The following DNHD1 variants were observed in gnomAD, a reference collection of about 807,000 sequenced individuals.
DNHD1 encodes the protein dynein heavy chain domain 1.
Under a neutral mutation model 458.1 loss-of-function variants are expected in DNHD1, and 383 were observed. That is an observed-to-expected ratio of 0.84 (90% confidence interval 0.77 to 0.91). The LOEUF is 0.91. Among genes scored for constraint, DNHD1 ranks in the 40% least tolerant of loss-of-function variants. The pLI is 0.00. For missense variants in DNHD1, 5,336 were observed against 5,866.1 expected (o/e 0.91, Z 2.95); for synonymous variants, 2,203 against 2,376.9 (o/e 0.93, Z 2.13).
Position 6,558,633 on chromosome 11 carries a change from G to T in DNHD1, c.9151G>T (p.Ala3051Ser), listed in dbSNP as rs1429013811. 1.9e-6 allele frequency: 3 copies of T among 1,551,616 alleles called. No individual in the cohort carries two copies. The highest frequency in any genetic ancestry group is 1.7e-4 in the Middle Eastern group (1 of 5,992). The part of the protein sequence containing the change: ...IDRYEPWDQA[A>S]LAKVAQHHLE... ...CCGCTATGAACCCTGGGACCAAGCT[G>T]CCCTGGCCAAGGTGGCCCAGCATCA... The change falls in exon 26 of 43, where the codon GCC becomes TCC. Residue 3051 changes from alanine (A) to serine (S), a missense_variant. Coordinates refer to ENST00000254579, the MANE Select transcript of DNHD1 (RefSeq NM_144666.3).
chr11:6,541,181 G>A (rs1234065215), intron 18 of DNHD1, among the ~76,000 whole-genome samples: 1 of 152,164 alleles, frequency 6.6e-6, no homozygotes, highest in African/African-American at 2.4e-5. Context: ...CTGTCTCTAT[G>A]TGACTTTTCC....
At chr11:6,532,924 G>A (rs1016744748) in intron 12 of DNHD1, 103 bp from the exon 13 acceptor site, 29 of 1,084,004 alleles carry the variant, frequency 2.7e-5, no homozygotes, top group Non-Finnish European at 3.4e-5. Flanking sequence ...ATAATTCATG[G>A]TCTGACCTGC....
At chr11:6,559,946 T>C (rs114992352) in intron 28 of DNHD1, among the ~76,000 whole-genome samples, 46 of 152,278 alleles carry the variant, frequency 3.0e-4, no homozygotes, top group African/African-American at 9.4e-4. Context: ...CCCTTCTAGT[T>C]GAAACCTCAA....
In DNHD1 at chr11:6,567,398, C is replaced by A; in HGVS notation, c.11889C>A (p.Ala3963=). 6.2e-7 allele frequency: 1 copy of A among 1,613,810 alleles called. No individual in the cohort carries two copies. Among genetic ancestry groups the A allele is most frequent in the Non-Finnish European group, 8.5e-7 (1 of 1,179,798 alleles). Reference sequence around the variant, plus strand: ...TGGCACTCTGGCCTGGACTAGCAGCCTCTCCCAGCACAGTCCACAGCAAGC... The same window carrying A: ...TGGCACTCTGGCCTGGACTAGCAGCATCTCCCAGCACAGTCCACAGCAAGC... ...ERLALWPGLA[A]SPSTVHSKPV... The change falls in exon 36 of 43, where the codon GCC becomes GCA. Residue 3963 remains alanine (A), a synonymous_variant. Transcript: ENST00000254579.
chr11:6,531,172 C>G (rs1331641927), intron 12 of DNHD1, among the ~76,000 whole-genome samples: 1 of 152,126 alleles, frequency 6.6e-6, no homozygotes. Context: ...TCTTGCTGAT[C>G]TAATTTTATC....
In DNHD1 at chr11:6,534,474, G is replaced by A. The variant is rs186127386; in HGVS notation, c.2998+301G>A. 6.0e-3 allele frequency among the ~76,000 whole-genome samples: 908 copies of A among 152,268 alleles called. 6 individuals are homozygous for A. The highest frequency in any genetic ancestry group is 6.2e-3 in the Non-Finnish European group (424 of 68,022). On this transcript the variant is annotated intron_variant, in intron 14 of 42. Transcript: ENST00000254579. The stretch of plus-strand genomic sequence containing the variant: ...GGCTAAAAGCATGTGTGGGAGAAAT[G>A]TAAGTTCTCCTTATAGAACGTAGCC...
intron 12 of DNHD1, among the ~76,000 whole-genome samples, chr11:6,530,655 G>A (rs552469367): frequency 3.0e-4 from 45 of 152,264 alleles, no homozygotes; most frequent in Admixed American, 2.7e-3. Flanking sequence ...TGCCCTGCTT[G>A]CTTCGCCTTC....
Position 6,546,983 on chromosome 11 carries a change from T to C in DNHD1, c.6044T>C (p.Met2015Thr), listed in dbSNP as rs58186801. The C allele has an allele frequency of 0.21, 321,308 of 1,550,736 alleles. 35,285 individuals carry two copies. The highest frequency in any genetic ancestry group is 0.26 in the Admixed American group (13,142 of 50,938). ...AAGATCCAGAATCGGCTGGCAGCCA[T>C]GGAGGACACCTCAACCCAAGGCTGC... ...LFKIQNRLAA[M>T]EDTSTQGCQP... The change falls in exon 21 of 43, where the codon ATG (methionine) becomes ACG (threonine). Residue 2015 changes from methionine to threonine, a missense_variant. Physicochemically the swap from Met to Thr is moderately conservative, Grantham distance 81 (BLOSUM62 -1). Coordinates refer to ENST00000254579, the MANE Select transcript of DNHD1 (RefSeq NM_144666.3).
intron 12 of DNHD1, among the ~76,000 whole-genome samples, chr11:6,530,861 C>G (rs1203504774): frequency 6.6e-6 from 1 of 152,148 alleles, no homozygotes; most frequent in East Asian, 1.9e-4. Context: ...TATTGTTGTT[C>G]TAGTTTGTTA....
chr11:6,504,321 G>A (rs975362940), intron 4 of DNHD1: 1 of 152,216 alleles, frequency 6.6e-6, no homozygotes, highest in Non-Finnish European at 1.5e-5. Flanking sequence ...CCTTCTATTA[G>A]GTTTGATTAA....
In DNHD1 at chr11:6,547,638, C is replaced by T. The variant is rs1321415136; in HGVS notation, c.6699C>T (p.Arg2233=). The change falls in exon 21 of 43, where the codon CGC becomes CGT. Residue 2233 remains arginine (R), a synonymous_variant. Transcript: ENST00000254579. ...ATAGTCTGCTTGACCTCCACCTTCG[C>T]CTAAAGGAGGAGAAGGCCCCTGGCC... is the stretch of plus-strand genomic sequence containing the variant. The part of the protein sequence containing the change: ...ILHSLLDLHL[R]LKEEKAPGPE... The T allele has an allele frequency of 3.9e-6, 6 of 1,530,194 alleles. No homozygotes were observed. Among genetic ancestry groups the T allele is most frequent in the South Asian group, 1.2e-5 (1 of 81,780 alleles). The allele number at this position is 1,530,194 out of a possible 1,614,324, so 94.8% of individuals were successfully genotyped here. A position where few individuals can be genotyped will look rare whatever the true frequency, so the allele number is the denominator to read the frequency against.
intron 24 of DNHD1, among the ~76,000 whole-genome samples, chr11:6,553,585 C>A (rs930837186): frequency 1.3e-5 from 2 of 152,020 alleles, no homozygotes; most frequent in Non-Finnish European, 2.9e-5. Context: ...TACATAGAGA[C>A]CCCAAAGGAA....
rs992254576 is a variant in DNHD1 at position 6,528,439 on chromosome 11, A to G, written c.1838-83A>G. On this transcript the variant is annotated intron_variant, in intron 10 of 42. Transcript: ENST00000254579. ...TGTGTGTGTGTGTGTGTGTGTGTAC[A>G]CACACTGAGGGCAAGGAGAAAGGAA... is the stretch of plus-strand genomic sequence containing the variant. 3.5e-5 allele frequency: 44 copies of G among 1,244,442 alleles called. No individual in the cohort carries two copies. In the African/African-American group the frequency reaches 7.3e-4, roughly 21 times the overall value. The allele number at this position is 1,244,442 out of a possible 1,614,324, so 77.1% of individuals were successfully genotyped here. A position where few individuals can be genotyped will look rare whatever the true frequency, so the allele number is the denominator to read the frequency against.
Position 6,519,844 on chromosome 11 carries a change from A to G in DNHD1, c.1637A>G (p.Asn546Ser). 1.2e-6 allele frequency: 2 copies of G among 1,612,626 alleles called. No homozygotes were observed. The highest frequency in any genetic ancestry group is 8.5e-7 in the Non-Finnish European group (1 of 1,180,022). Reference protein sequence around the residue: ...LEEQITSFVANILQAPRQKPF... With the variant: ...LEEQITSFVASILQAPRQKPF... The stretch of plus-strand genomic sequence containing the variant: ...GAGCAGATAACCTCTTTTGTGGCCA[A>G]CATCCTTCAAGTGAGGTGGTGGGTG... The change falls in exon 8 of 43, where the codon AAC becomes AGC. Residue 546 changes from asparagine to serine, a missense_variant. Physicochemically the swap from Asn to Ser is conservative, Grantham distance 46. Coordinates refer to ENST00000254579, the MANE Select transcript of DNHD1 (RefSeq NM_144666.3).
chr11:6,530,019 C>A (rs1431185641), intron 12 of DNHD1, among the ~76,000 whole-genome samples: 1 of 152,190 alleles, frequency 6.6e-6, no homozygotes, highest in Non-Finnish European at 1.5e-5. Context: ...CACTGGCTAT[C>A]AATTCTCTGC....
Position 6,528,921 on chromosome 11 carries a change from G to A in DNHD1, c.2147G>A (p.Trp716Ter). Residue 716 changes from tryptophan (W) to a stop codon, truncating the protein, a stop_gained, in exon 12 of 43, where the codon TGG becomes TAG. Transcript: ENST00000254579. LOFTEE classifies it high-confidence loss of function. The part of the protein sequence containing the change: ...KVQEFCREHH[W>*]ITGIYEFLQS... ...CAGGAATTCTGCAGGGAACATCATT[G>A]GATAACAGGCATTTATGAATTCCTG... is the stretch of plus-strand genomic sequence containing the variant. 5 of 1,551,714 alleles carry A rather than the reference G, an allele frequency of 3.2e-6. No homozygotes were observed. The highest frequency in any genetic ancestry group is 2.0e-5 in the Admixed American group (1 of 51,018).
At position 6,567,669 on chromosome 11, in the gene DNHD1, G is replaced by A. The variant is rs750961871; in HGVS notation, c.12160G>A (p.Gly4054Ser). Residue 4054 changes from glycine to serine, a missense_variant, in exon 36 of 43, where the codon GGT becomes AGT. Gly to Ser is a moderately conservative substitution (Grantham distance 56). Around this residue, in one of 4 missense-constraint regions of DNHD1, gnomAD observed 695 missense variants for 804.2 expected, o/e 0.86. Coordinates refer to ENST00000254579, the MANE Select transcript of DNHD1 (RefSeq NM_144666.3). ...CGTTCTGCGACCTGAGTGCCTGGCA[G>A]GTGCCCTGGCAGACTTCACCACTAG... ...WRVLRPECLA[G>S]ALADFTTSLL... 8.7e-6 allele frequency: 14 copies of A among 1,613,800 alleles called. No individual in the cohort carries two copies. The highest frequency in any genetic ancestry group is 1.6e-4 in the Middle Eastern group (1 of 6,084).
intron 12 of DNHD1, among the ~76,000 whole-genome samples, chr11:6,530,807 G>T (rs575430161): frequency 6.8e-6 from 1 of 147,160 alleles, no homozygotes; most frequent in Non-Finnish European, 1.5e-5. Context: ...CTTCTCTCTG[G>T]CCGTGTTTTG....
chr11:6,535,922 GAA>G (rs1209973485), intron 14 of DNHD1, among the ~76,000 whole-genome samples: 1 of 151,938 alleles, frequency 6.6e-6, no homozygotes, highest in East Asian at 1.9e-4. Context: ...AAAAAAGAAA[GAA>G]AGAAAAAGAA....
Sources: gnomAD v4.1 joint callset for allele counts (sites outside exome capture counted in the v4.1 genomes callset) on GRCh38, gnomAD v4.1.1 for gene constraint, gnomAD v4.1.1 regional missense constraint, MANE v1.5 for transcripts, NCBI Gene and HGNC (gene_info 2026-07-23, HGNC 2026-07-21) for gene names.